Variants in GALNT10 observed in about 807,000 individuals in gnomAD.
GALNT10 encodes the protein GalNAc transferase 10.
GALNT10 carries 41 observed loss-of-function variants against 75.0 expected under a neutral mutation model. The ratio of observed to expected loss-of-function variants is 0.55; its 90% CI spans 0.43 to 0.71. GALNT10 has a LOEUF of 0.71. GALNT10 is among the 30% of genes least tolerant of loss of function. The pLI is 0.00. For missense variants in GALNT10, 727 were observed against 818.5 expected (o/e 0.89, Z 1.36); for synonymous variants, 302 against 313.0 (o/e 0.96, Z 0.37).
At chr5:154,260,418 T>C (rs1410295512) in intron 1 of GALNT10, among the ~76,000 whole-genome samples, 1 of 152,190 alleles carries the variant, frequency 6.6e-6, no homozygotes, top group African/African-American at 2.4e-5. Flanking sequence ...GTGCAGCCAG[T>C]CATCTGCCCC....
intron 7 of GALNT10, chr5:154,389,253 T>C (rs1342740004): frequency 6.6e-6 from 1 of 151,574 alleles, no homozygotes; most frequent in Admixed American, 6.6e-5. Context: ...TATATTTATA[T>C]AAATATCTTA....
chr5:154,348,319 A>C (rs1245792800), intron 4 of GALNT10, among the ~76,000 whole-genome samples: 1 of 152,198 alleles, frequency 6.6e-6, no homozygotes, highest in Non-Finnish European at 1.5e-5. Context: ...ACCATCTTAG[A>C]TATTAATTAC....
At chr5:154,359,025 T>A (rs27153) in intron 4 of GALNT10, among the ~76,000 whole-genome samples, 103,297 of 152,042 alleles carry the variant, frequency 0.68, 35,633 homozygotes, top group East Asian at 0.86. Flanking sequence ...AATCATTCGG[T>A]GTTGAAGGTT....
chr5:154,338,660 A>G (rs892769218), intron 4 of GALNT10, among the ~76,000 whole-genome samples: 2 of 152,230 alleles, frequency 1.3e-5, no homozygotes, highest in African/African-American at 4.8e-5. Context: ...TTGTGAAGTG[A>G]ACATTTAATC....
At chr5:154,382,480 A>G (rs142959459) in intron 6 of GALNT10, among the ~76,000 whole-genome samples, 247 of 152,352 alleles carry the variant, frequency 1.6e-3, no homozygotes, top group Non-Finnish European at 2.4e-3. Context: ...TTGTAGAATA[A>G]TACCAACACC....
intron 7 of GALNT10, among the ~76,000 whole-genome samples, chr5:154,395,004 C>T (rs1755987403): frequency 6.6e-6 from 1 of 152,216 alleles, no homozygotes; most frequent in Non-Finnish European, 1.5e-5. Flanking sequence ...CCATGAGTGT[C>T]CCTGCCTGTG....
intron 1 of GALNT10, among the ~76,000 whole-genome samples, chr5:154,284,238 G>A (rs1754082367): frequency 6.6e-6 from 1 of 152,166 alleles, no homozygotes; most frequent in African/African-American, 2.4e-5. Flanking sequence ...ACCAAGGCTT[G>A]TGAAAATAGC....
At chr5:154,259,613 G>T (rs1203254627) in intron 1 of GALNT10, among the ~76,000 whole-genome samples, 1 of 152,064 alleles carries the variant, frequency 6.6e-6, no homozygotes, top group East Asian at 1.9e-4. Context: ...ATGAGACAGG[G>T]CAGCAGCCCA....
In GALNT10 at chr5:154,224,262, G is replaced by A. The variant is rs546284864; in HGVS notation, c.159+33237G>A. Among the ~76,000 whole-genome samples, 3 of 152,294 alleles carry A rather than the reference G, an allele frequency of 2.0e-5. No homozygotes were observed. The East Asian group carries it at 5.8e-4, about 29-fold the overall frequency. ...TGTGGTCCCCACTGTAAGTGTTGGGGCCCCCAGCTAGGTCATTAGCCACAG... is the reference window on the plus strand; with the variant it reads ...TGTGGTCCCCACTGTAAGTGTTGGGACCCCCAGCTAGGTCATTAGCCACAG... On this transcript the variant is annotated intron_variant, in intron 1 of 11. Transcript: ENST00000297107.
intron 1 of GALNT10, among the ~76,000 whole-genome samples, chr5:154,223,202 C>T (rs1236510929): frequency 1.3e-5 from 2 of 152,180 alleles, no homozygotes; most frequent in East Asian, 1.9e-4. Context: ...GAGGGAGAGG[C>T]GTAAGGCATG....
At chr5:154,403,770 CCTGAGTCACATTTCTTAGCTTCT>C (rs1282012631) in intron 7 of GALNT10, 65 of 351,306 alleles carry the variant, frequency 1.9e-4, no homozygotes, top group Non-Finnish European at 2.8e-4. Context: ...TACTCTGTGA[CCTGAGTCACATTTCTTAGCTTCT>C]CTGAGCCTCC....
At chr5:154,238,078 G>C (rs901886777) in intron 1 of GALNT10, among the ~76,000 whole-genome samples, 2 of 152,162 alleles carry the variant, frequency 1.3e-5, no homozygotes, top group African/African-American at 4.8e-5. Flanking sequence ...AGTTACATAC[G>C]TAAGACATGG....
intron 3 of GALNT10, among the ~76,000 whole-genome samples, chr5:154,311,591 C>T (rs145111633): frequency 2.0e-5 from 3 of 151,850 alleles, no homozygotes; most frequent in African/African-American, 7.2e-5. Context: ...ACCTGAAACC[C>T]GTGTCTCACA....
At chr5:154,323,516 A>G (rs1279289623) in intron 3 of GALNT10, among the ~76,000 whole-genome samples, 1 of 152,204 alleles carries the variant, frequency 6.6e-6, no homozygotes, top group Non-Finnish European at 1.5e-5. Context: ...AGGAGGGGCC[A>G]GGAAAGACTT....
At chr5:154,216,965 C>T (rs1272649748) in intron 1 of GALNT10, among the ~76,000 whole-genome samples, 1 of 152,148 alleles carries the variant, frequency 6.6e-6, no homozygotes. Flanking sequence ...AAATGCTTCC[C>T]TCTGCCCAAC....
intron 1 of GALNT10, among the ~76,000 whole-genome samples, chr5:154,293,625 C>CTTTTTTTTTTTTTTTTTTTT (rs1320287927): frequency 1.7e-4 from 22 of 128,054 alleles, no homozygotes; most frequent in Non-Finnish European, 3.2e-4. Context: ...TTTTTTTTTC[C>CTTTTTTTTTTTTTTTTTTTT]TTTCAGCCAT....
chr5:154,335,674 C>T (rs576003080), intron 4 of GALNT10, among the ~76,000 whole-genome samples: 11 of 152,162 alleles, frequency 7.2e-5, no homozygotes, highest in African/African-American at 2.7e-4. Flanking sequence ...AGTTTAGGTT[C>T]CCAACAAAAC....
Position 154,298,868 on chromosome 5 carries a change from G to A in GALNT10, c.401+789G>A, listed in dbSNP as rs921452235. 3.3e-5 allele frequency among the ~76,000 whole-genome samples: 5 copies of A among 152,112 alleles called. No homozygotes were observed. The highest frequency in any genetic ancestry group is 1.2e-4 in the African/African-American group (5 of 41,412). On this transcript the variant is annotated intron_variant, in intron 3 of 11. Coordinates refer to ENST00000297107, the MANE Select transcript of GALNT10 (RefSeq NM_198321.4). This position sits in a 1 kb window ranked among gnomAD's most constrained non-coding sequence, Gnocchi z 4.1. ...GGGTTGTTAGACACAGGATATTGAG[G>A]CCTCAAAGCTGTTGATTCAGTAGGT...
chr5:154,382,142 A>C (rs543641766), intron 6 of GALNT10, among the ~76,000 whole-genome samples: 2 of 152,332 alleles, frequency 1.3e-5, no homozygotes, highest in East Asian at 3.9e-4. Flanking sequence ...CTTCATGGGC[A>C]TGGTGCATAC....
Sources: gnomAD v4.1 joint callset for allele counts (sites outside exome capture counted in the v4.1 genomes callset) on GRCh38, gnomAD v4.1.1 for gene constraint, Gnocchi (gnomAD v3.1) non-coding constraint, MANE v1.5 for transcripts, NCBI Gene and HGNC (gene_info 2026-07-23, HGNC 2026-07-21) for gene names.